TMTC1: variants seen among roughly 807,000 people sequenced by gnomAD.
The protein encoded by TMTC1 is transmembrane O-mannosyltransferase targeting cadherins 1.
A neutral mutation model predicts 104.8 loss-of-function variants in TMTC1; 73 were observed. The ratio of observed to expected loss-of-function variants is 0.70; its 90% CI spans 0.58 to 0.85. The LOEUF is 0.85. TMTC1 is among the 40% of genes least tolerant of loss of function. The pLI, the probability that TMTC1 is intolerant of heterozygous loss-of-function variation, is 0.00. For synonymous variants in TMTC1, 434 were observed against 428.7 expected, an observed-to-expected ratio of 1.01 and a Z score of -0.15; for missense variants, 1,035 against 1,096.1, an observed-to-expected ratio of 0.94 and a Z score of 0.79.
rs1428253105 is a variant in TMTC1 at position 29,514,622 on chromosome 12, T to G, written c.2308-18A>C. The G allele has an allele frequency of 3.1e-6, 5 of 1,597,682 alleles. No homozygotes were observed. Among genetic ancestry groups the G allele is most frequent in the Non-Finnish European group, 4.3e-6 (5 of 1,175,772 alleles). On this transcript the variant is annotated intron_variant, in intron 15 of 17. Transcript: ENST00000539277. Reference sequence around the variant, plus strand: ...TCAAGTGCCTGCAGAGGTTGGAAATTAAGACAGAATAAATGCAGATTAGGT... The same window carrying G: ...TCAAGTGCCTGCAGAGGTTGGAAATGAAGACAGAATAAATGCAGATTAGGT...
At chr12:29,713,287 C>T (rs1035963134) in intron 5 of TMTC1, among the ~76,000 whole-genome samples, 1 of 135,190 alleles carries the variant, frequency 7.4e-6, no homozygotes, top group Non-Finnish European at 1.6e-5. Context: ...ATAAATCTCT[C>T]TACATAAACA....
intron 7 of TMTC1, among the ~76,000 whole-genome samples, chr12:29,585,029 T>C (rs913073992): frequency 2.7e-5 from 4 of 149,600 alleles, no homozygotes; most frequent in Admixed American, 6.7e-5. Flanking sequence ...ACTTCCACAA[T>C]GGTTGAACTA....
intron 4 of TMTC1, among the ~76,000 whole-genome samples, chr12:29,755,378 A>G (rs1206211683): frequency 2.6e-5 from 4 of 152,184 alleles, no homozygotes; most frequent in Admixed American, 2.6e-4. Flanking sequence ...ATTTGCAATC[A>G]CTATTTTTAT....
chr12:29,580,416 T>C (rs997314861), intron 8 of TMTC1, among the ~76,000 whole-genome samples: 7 of 152,174 alleles, frequency 4.6e-5, no homozygotes, highest in African/African-American at 1.7e-4. Context: ...ATCTTTTGTG[T>C]AAAAGGAGGC....
intron 5 of TMTC1, among the ~76,000 whole-genome samples, chr12:29,662,133 C>T (rs74876770): frequency 1.8e-3 from 280 of 152,246 alleles, no homozygotes; most frequent in African/African-American, 6.6e-3. Context: ...TAGCATAAAC[C>T]GCAAGCACTT....
In TMTC1 at chr12:29,735,769, C is replaced by T. The variant is rs181748708; in HGVS notation, c.938+15897G>A. Among the ~76,000 whole-genome samples, 236 of 152,228 alleles carry T rather than the reference C, an allele frequency of 1.6e-3. 1 individual carries two copies. The highest frequency in any genetic ancestry group is 6.8e-3 in the Middle Eastern group (2 of 292). The stretch of plus-strand genomic sequence containing the variant: ...GTTGGTGCAGATGCAGCTTCCGGAC[C>T]AAGTAGGAGGTTGGGAGGGCCACAT... On this transcript the variant is annotated intron_variant, in intron 5 of 17. Transcript: ENST00000539277.
chr12:29,506,988 TG>T lies in TMTC1; in HGVS notation c.2509-3del, dbSNP rs2136123195. On this transcript the variant is annotated splice_polypyrimidine_tract_variant and splice_region_variant and intron_variant, in intron 17 of 17. Coordinates refer to ENST00000539277, the MANE Select transcript of TMTC1 (RefSeq NM_001193451.2). ...AGCTCTTGCAGACACATATTTTCCC[TG>T]GGGGTGGGAAAGAGGGAGCAATTAC... 6.2e-7 allele frequency: 1 copy of T among 1,612,886 alleles called. No individual in the cohort carries two copies.
chr12:29,638,504 G>C (rs1938671256), intron 5 of TMTC1, among the ~76,000 whole-genome samples: 1 of 152,020 alleles, frequency 6.6e-6, no homozygotes, highest in Non-Finnish European at 1.5e-5. Flanking sequence ...GATTTTTCTG[G>C]TACACTAGGG....
chr12:29,636,264 T>C (rs1409889971), intron 5 of TMTC1, among the ~76,000 whole-genome samples: 1 of 152,218 alleles, frequency 6.6e-6, no homozygotes, highest in Non-Finnish European at 1.5e-5. Flanking sequence ...TGCCACTTTC[T>C]CTACTTTTTA....
At chr12:29,525,211 T>C in intron 11 of TMTC1, among the ~76,000 whole-genome samples, 1 of 121,232 alleles carries the variant, frequency 8.2e-6, no homozygotes, top group Non-Finnish European at 1.6e-5. Flanking sequence ...GAGATGGAGT[T>C]TTGCTCTGTC....
intron 5 of TMTC1, among the ~76,000 whole-genome samples, chr12:29,726,669 A>G (rs930192478): frequency 2.6e-5 from 4 of 152,148 alleles, no homozygotes; most frequent in Non-Finnish European, 4.4e-5. Flanking sequence ...ACACTATTGC[A>G]TCCCTTACCC....
chr12:29,549,902 G>T (rs893557043), intron 10 of TMTC1, among the ~76,000 whole-genome samples: 71 of 152,222 alleles, frequency 4.7e-4, no homozygotes, highest in African/African-American at 1.7e-3. Context: ...ATTCAACTCA[G>T]ATTTGTATTT....
rs1943622269 is a variant in TMTC1 at position 29,502,744 on chromosome 12, T to C, written c.*4102A>G. On this transcript the variant is annotated 3_prime_UTR_variant, in exon 18 of 18. Transcript: ENST00000539277. The stretch of plus-strand genomic sequence containing the variant: ...TGCAAAAGATGATAAACATCTATTA[T>C]TTTGTAAAAGTTACAAGCTCCCATT... 6.6e-6 allele frequency: 1 copy of C among 152,252 alleles called. No homozygotes were observed. Among genetic ancestry groups the C allele is most frequent in the African/African-American group, 2.4e-5 (1 of 41,468 alleles). The allele number at this position is 152,252 out of a possible 1,614,324, so 9.4% of individuals were successfully genotyped here.
chr12:29,626,545 GA>G (rs1172208605), intron 6 of TMTC1, among the ~76,000 whole-genome samples: 1 of 152,110 alleles, frequency 6.6e-6, no homozygotes, highest in African/African-American at 2.4e-5. Flanking sequence ...TAGGGAGAAA[GA>G]ATACCCTCTT....
At chr12:29,655,415 A>C (rs1939711381) in intron 5 of TMTC1, among the ~76,000 whole-genome samples, 1 of 152,118 alleles carries the variant, frequency 6.6e-6, no homozygotes, top group African/African-American at 2.4e-5. Context: ...TTTAAGTTTT[A>C]TTTTTTCCAC....
At chr12:29,713,087 G>T (rs1941975307) in intron 5 of TMTC1, among the ~76,000 whole-genome samples, 1 of 151,894 alleles carries the variant, frequency 6.6e-6, no homozygotes, top group African/African-American at 2.4e-5. Context: ...AAGAGAAAAA[G>T]ACTCAGGTCC....
In TMTC1 at chr12:29,768,068, T is replaced by C. The variant is rs773603694; in HGVS notation, c.310A>G (p.Ile104Val). ...AATGGGTTCATACCAGTCAAAAATATGTTTAGCCTGTAAAACAAAAGAAAA... is the reference window on the plus strand; with the variant it reads ...AATGGGTTCATACCAGTCAAAAATACGTTTAGCCTGTAAAACAAAAGAAAA... ...PLCVLTFKLN[I>V]FLTGMNPFYF... is the part of the protein sequence containing the mutation. Residue 104 changes from isoleucine (I) to valine (V), a missense_variant, in exon 2 of 18, where the codon ATA (isoleucine) becomes GTA (valine). By Grantham distance (29) the Ile-to-Val change is conservative. Transcript: ENST00000539277. 6.3e-7 allele frequency: 1 copy of C among 1,580,954 alleles called. No individual in the cohort carries two copies. The highest frequency in any genetic ancestry group is 1.4e-5 in the African/African-American group (1 of 73,450).
At chr12:29,725,871 T>C (rs189775967) in intron 5 of TMTC1, among the ~76,000 whole-genome samples, 52 of 152,340 alleles carry the variant, frequency 3.4e-4, no homozygotes, top group African/African-American at 1.2e-3. Context: ...TAAAACTCAA[T>C]ATTCAAATTC....
At chr12:29,767,178 T>C (rs10843501) in intron 2 of TMTC1, among the ~76,000 whole-genome samples, 59,529 of 151,468 alleles carry the variant, frequency 0.39, 12,155 homozygotes, top group Admixed American at 0.54. Context: ...GTCTTGAACT[T>C]CTGACTTCAA....
Sources: gnomAD v4.1 joint callset for allele counts (sites outside exome capture counted in the v4.1 genomes callset) on GRCh38, gnomAD v4.1.1 for gene constraint, MANE v1.5 for transcripts, NCBI Gene and HGNC (gene_info 2026-07-23, HGNC 2026-07-21) for gene names.